PDE11A: variants seen among roughly 807,000 people sequenced by gnomAD.
The protein encoded by PDE11A is dual 3',5'-cyclic-AMP and -GMP phosphodiesterase 11A.
Under a neutral mutation model 100.5 loss-of-function variants are expected in PDE11A, and 100 were observed. The ratio of observed to expected loss-of-function variants is 1.00; its 90% CI spans 0.85 to 1.18. The LOEUF is 1.18. Ranked by LOEUF, PDE11A falls within the 50% of genes most tolerant of loss-of-function variation. PDE11A has a pLI of 0.00. For missense variants in PDE11A, 1,141 were observed against 1,152.6 expected, an observed-to-expected ratio of 0.99 and a Z score of 0.15; for synonymous variants, 381 against 420.8, an observed-to-expected ratio of 0.91 and a Z score of 1.16.
chr2:177,822,949 A>G (rs1032378655), intron 6 of PDE11A, among the ~76,000 whole-genome samples: 4 of 152,106 alleles, frequency 2.6e-5, no homozygotes, highest in African/African-American at 4.8e-5. Context: ...GCTACATTCA[A>G]TTATTAACTT....
intron 5 of PDE11A, among the ~76,000 whole-genome samples, chr2:177,857,073 T>C (rs922612581): frequency 1.3e-5 from 2 of 151,992 alleles, no homozygotes; most frequent in Non-Finnish European, 2.9e-5. Context: ...TAACTCATTA[T>C]ATAAAAGTAA....
chr2:177,947,528 C>G (rs1255703508), intron 2 of PDE11A, among the ~76,000 whole-genome samples: 4 of 152,180 alleles, frequency 2.6e-5, no homozygotes, highest in African/African-American at 9.6e-5. Context: ...GGATTAAGGG[C>G]GGTGCAAGAT....
chr2:177,867,100 T>A (rs2084043097), intron 5 of PDE11A, among the ~76,000 whole-genome samples: 1 of 152,242 alleles, frequency 6.6e-6, no homozygotes, highest in Non-Finnish European at 1.5e-5. Context: ...TACTTGTGTG[T>A]GTATTTATAT....
chr2:177,679,881 T>A (rs2080835125), intron 16 of PDE11A, among the ~76,000 whole-genome samples: 1 of 151,820 alleles, frequency 6.6e-6, no homozygotes, highest in Non-Finnish European at 1.5e-5. Flanking sequence ...GTGGAGGGGC[T>A]GGTCTTGAAG....
At chr2:177,829,839 T>C (rs2105602533) in intron 6 of PDE11A, among the ~76,000 whole-genome samples, 1 of 152,298 alleles carries the variant, frequency 6.6e-6, no homozygotes, top group African/African-American at 2.4e-5. Flanking sequence ...TGAATAATCC[T>C]TTCCCTTGAG....
At position 177,669,481 on chromosome 2, in the gene PDE11A, G is replaced by A; in HGVS notation, c.2562+12C>T. ...AAAGGGTAAATACGTTATAATTAAA[G>A]GATGAACTCACTGAAGGAGTGAGTT... On this transcript the variant is annotated intron_variant, in intron 18 of 19. Coordinates refer to ENST00000286063, the MANE Select transcript of PDE11A (RefSeq NM_016953.4). 1 of 1,037,642 alleles carries A rather than the reference G, an allele frequency of 9.6e-7. No homozygotes were observed. The highest frequency in any genetic ancestry group is 1.5e-6 in the Non-Finnish European group (1 of 653,828). The allele number at this position is 1,037,642 out of a possible 1,614,324, so 64.3% of individuals were successfully genotyped here.
chr2:177,732,394 A>G (rs891076064), intron 10 of PDE11A, among the ~76,000 whole-genome samples: 1 of 152,200 alleles, frequency 6.6e-6, no homozygotes, highest in Non-Finnish European at 1.5e-5. Flanking sequence ...TTTTCAAGAG[A>G]TAGAGGCCCT....
chr2:177,968,420 T>C (rs1383848313), intron 2 of PDE11A, among the ~76,000 whole-genome samples: 1 of 152,222 alleles, frequency 6.6e-6, no homozygotes, highest in Non-Finnish European at 1.5e-5. Flanking sequence ...TCACAGAAAT[T>C]ATGCTAAGGT....
chr2:177,993,163 T>A (rs1213828687), intron 2 of PDE11A, among the ~76,000 whole-genome samples: 1 of 152,172 alleles, frequency 6.6e-6, no homozygotes, highest in Non-Finnish European at 1.5e-5. Flanking sequence ...ACCACTGTCA[T>A]CTGGCCCTCT....
At chr2:178,108,018 C>T (rs1348016777) in intron 1 of PDE11A, among the ~76,000 whole-genome samples, 1 of 152,142 alleles carries the variant, frequency 6.6e-6, no homozygotes, top group Non-Finnish European at 1.5e-5. Context: ...CCATGCCAAG[C>T]CAACAATTAC....
At chr2:177,735,207 C>G (rs539191554) in intron 10 of PDE11A, among the ~76,000 whole-genome samples, 21 of 152,220 alleles carry the variant, frequency 1.4e-4, no homozygotes, top group African/African-American at 3.4e-4. Context: ...CACGTTCCTG[C>G]CTTAATTCCA....
chr2:177,974,428 G>A (rs2085807001), intron 2 of PDE11A, among the ~76,000 whole-genome samples: 1 of 62,858 alleles, frequency 1.6e-5, no homozygotes, highest in Admixed American at 1.4e-4. Flanking sequence ...TAAGAAATAT[G>A]GGACTATGTG....
At chr2:178,007,392 T>TG (rs2086224556) in intron 2 of PDE11A, among the ~76,000 whole-genome samples, 1 of 152,348 alleles carries the variant, frequency 6.6e-6, no homozygotes, top group South Asian at 2.1e-4. Flanking sequence ...AGAAGAATCT[T>TG]GGTTGTTTTT....
At chr2:177,803,541 C>G (rs1482529761) in intron 9 of PDE11A, among the ~76,000 whole-genome samples, 1 of 151,928 alleles carries the variant, frequency 6.6e-6, no homozygotes, top group East Asian at 1.9e-4. Context: ...AACATAGACA[C>G]AAAAATCTTC....
At chr2:177,771,005 T>C (rs903226953) in intron 9 of PDE11A, among the ~76,000 whole-genome samples, 1 of 152,186 alleles carries the variant, frequency 6.6e-6, no homozygotes, top group Non-Finnish European at 1.5e-5. Flanking sequence ...TTTTGTATTG[T>C]TTTGTAGAGA....
At chr2:178,052,729 T>C (rs1449781568) in intron 1 of PDE11A, among the ~76,000 whole-genome samples, 4 of 152,118 alleles carry the variant, frequency 2.6e-5, no homozygotes, top group East Asian at 3.8e-4. Flanking sequence ...GAGAATACTA[T>C]AAACACCTCT....
At chr2:177,951,141 TA>T (rs1321975845) in intron 2 of PDE11A, among the ~76,000 whole-genome samples, 3 of 151,998 alleles carry the variant, frequency 2.0e-5, no homozygotes, top group African/African-American at 4.8e-5. Flanking sequence ...AAGTGTTACT[TA>T]AAAAAAAGTA....
At chr2:177,797,139 G>C (rs759293924) in intron 9 of PDE11A, 5 of 152,120 alleles carry the variant, frequency 3.3e-5, no homozygotes, top group African/African-American at 9.7e-5. Context: ...GCATGCCCCC[G>C]GTGTAGAAAA....
At chr2:177,866,932 G>A (rs1159461374) in intron 5 of PDE11A, among the ~76,000 whole-genome samples, 5 of 152,204 alleles carry the variant, frequency 3.3e-5, no homozygotes, top group African/African-American at 1.2e-4. Flanking sequence ...CACACTTTGG[G>A]ACACTGCAAA....
Sources: allele counts gnomAD v4.1 joint callset (sites outside exome capture counted in the v4.1 genomes callset), GRCh38; gene constraint gnomAD v4.1.1; transcripts MANE v1.5; gene names NCBI Gene and HGNC (gene_info 2026-07-23, HGNC 2026-07-21).